ZBBX: variants seen among roughly 807,000 people sequenced by gnomAD.
The protein encoded by ZBBX is zinc finger B-box domain-containing protein 1.
Under a neutral mutation model 108.5 loss-of-function variants are expected in ZBBX, and 101 were observed. The ratio of observed to expected loss-of-function variants is 0.93; its 90% CI spans 0.79 to 1.10. The LOEUF is 1.10. Among genes scored for constraint, ZBBX ranks in the 50% least tolerant of loss-of-function variants. The pLI is 0.00. For synonymous variants in ZBBX, 356 were observed against 323.4 expected (o/e 1.10, Z -1.08); for missense variants, 1,009 against 941.4 (o/e 1.07, Z -0.94).
intron 9 of ZBBX, among the ~76,000 whole-genome samples, chr3:167,338,293 A>G (rs1739922391): frequency 6.6e-6 from 1 of 152,204 alleles, no homozygotes; most frequent in Non-Finnish European, 1.5e-5. Flanking sequence ...CACTCTGACA[A>G]TGTATCATTA....
chr3:167,344,467 A>T (rs1277536159), intron 9 of ZBBX, among the ~76,000 whole-genome samples: 1 of 151,796 alleles, frequency 6.6e-6, no homozygotes, highest in Non-Finnish European at 1.5e-5. Context: ...TCTATGTTTC[A>T]AATTCTGACT....
At chr3:167,402,145 A>G (rs1233837475) in intron 1 of ZBBX, among the ~76,000 whole-genome samples, 1 of 152,184 alleles carries the variant, frequency 6.6e-6, no homozygotes, top group Non-Finnish European at 1.5e-5. Flanking sequence ...TGCTCAACGC[A>G]GTCATTCTCT....
At chr3:167,284,220 A>AT (rs1729326043) in intron 19 of ZBBX, among the ~76,000 whole-genome samples, 3 of 150,506 alleles carry the variant, frequency 2.0e-5, no homozygotes, top group Admixed American at 6.6e-5. Flanking sequence ...ATCCCTGAGA[A>AT]TTATTTTTAT....
downstream of ZBBX, among the ~76,000 whole-genome samples, chr3:167,239,016 C>T (rs1382357370): frequency 1.3e-5 from 2 of 152,124 alleles, no homozygotes; most frequent in Non-Finnish European, 2.9e-5. Context: ...ACCTATCTAT[C>T]AGTTGATCTA....
chr3:167,243,411 T>C (rs1219814873), intron 20 of ZBBX, among the ~76,000 whole-genome samples: 8 of 152,164 alleles, frequency 5.3e-5, no homozygotes, highest in Non-Finnish European at 1.0e-4. Context: ...TCCCTTTTTT[T>C]TTTTTAGACA....
Position 167,342,274 on chromosome 3 carries a change from A to C in ZBBX, c.528+8146T>G, listed in dbSNP as rs901885183. 1.2e-4 allele frequency among the ~76,000 whole-genome samples: 18 copies of C among 151,832 alleles called. No homozygotes were observed. The Admixed American group carries it at 1.2e-3, about 10-fold the overall frequency. ...ATGAGATAACATAGGTAGCACCTGC[A>C]AATTACAAAAGTCCCTCAAATATTC... On this transcript the variant is annotated intron_variant, in intron 9 of 21. Coordinates refer to ENST00000675490, the MANE Select transcript of ZBBX (RefSeq NM_001199201.2).
intron 9 of ZBBX, among the ~76,000 whole-genome samples, chr3:167,345,341 C>T (rs1197617960): frequency 2.6e-5 from 4 of 151,808 alleles, no homozygotes; most frequent in South Asian, 2.1e-4. Context: ...CAGGTGATAA[C>T]AATCATTGAA....
chr3:167,333,863 T>C lies in ZBBX; in HGVS notation c.651A>G (p.Lys217=), dbSNP rs1221975581. ...TCCTCTGGAGAAGTACAGATTTGGG[T>C]TTATGTTGAATTTTACTGGTTTCCT... The part of the protein sequence containing the change: ...STKETSKIQH[K]PKSVLLQRSS... Residue 217 remains lysine (K), a synonymous_variant, in exon 10 of 22, where the codon AAA becomes AAG. Transcript: ENST00000675490. 1.5e-5 allele frequency: 24 copies of C among 1,611,602 alleles called. No individual in the cohort carries two copies. The highest frequency in any genetic ancestry group is 4.5e-5 in the East Asian group (2 of 44,746).
At chr3:167,367,971 T>C (rs1745577430) in intron 5 of ZBBX, among the ~76,000 whole-genome samples, 1 of 17,280 alleles carries the variant, frequency 5.8e-5, no homozygotes, top group South Asian at 3.2e-3. Flanking sequence ...TATATATGTA[T>C]ATATATATAT....
chr3:167,237,944 T>C (rs1214489105), downstream of ZBBX, among the ~76,000 whole-genome samples: 3 of 152,014 alleles, frequency 2.0e-5, no homozygotes, highest in Admixed American at 2.0e-4. Flanking sequence ...ACAGTAGTGG[T>C]CCAATCCTTC....
rs184567874 is a variant in ZBBX at position 167,243,492 on chromosome 3, G to C, written c.2255-849C>G. Among the ~76,000 whole-genome samples the C allele has an allele frequency of 1.9e-3, 286 of 151,940 alleles. 1 individual carries two copies. Among genetic ancestry groups the C allele is most frequent in the Non-Finnish European group, 3.5e-3 (235 of 67,966 alleles). On this transcript the variant is annotated intron_variant, in intron 20 of 21. Coordinates refer to ENST00000675490, the MANE Select transcript of ZBBX (RefSeq NM_001199201.2). ...TGGCTCACCGCAACCTCCGCCTCCT[G>C]GGTTCAAATGATTCTCTTGCCTCAG...
At chr3:167,314,559 C>A (rs1735120142) in intron 15 of ZBBX, among the ~76,000 whole-genome samples, 1 of 152,096 alleles carries the variant, frequency 6.6e-6, no homozygotes, top group African/African-American at 2.4e-5. Context: ...ATAATGATTA[C>A]TATCTATATG....
chr3:167,244,431 C>T (rs1307202781), intron 20 of ZBBX, among the ~76,000 whole-genome samples: 1 of 152,116 alleles, frequency 6.6e-6, no homozygotes, highest in Non-Finnish European at 1.5e-5. Flanking sequence ...GGTGAGATAT[C>T]CAAACTCTAT....
At chr3:167,267,618 A>G (rs182754856) in intron 20 of ZBBX, among the ~76,000 whole-genome samples, 7 of 152,168 alleles carry the variant, frequency 4.6e-5, no homozygotes, top group African/African-American at 1.7e-4. Flanking sequence ...CAAGCCCTCA[A>G]TCTTCTGGCC....
the ZBBX span, among the ~76,000 whole-genome samples, chr3:167,187,862 C>T: frequency 6.6e-6 from 1 of 152,246 alleles, no homozygotes; most frequent in African/African-American, 2.4e-5. Flanking sequence ...TTACGATGTT[C>T]ATTTCCTGAA....
At chr3:167,195,571 C>G in the ZBBX span, among the ~76,000 whole-genome samples, 1 of 152,096 alleles carries the variant, frequency 6.6e-6, no homozygotes, top group Non-Finnish European at 1.5e-5. Context: ...TTAAACGAAA[C>G]CATTTTTCTT....
At chr3:167,238,344 T>C (rs188596954), downstream of ZBBX, among the ~76,000 whole-genome samples, 1 of 152,166 alleles carries the variant, frequency 6.6e-6, no homozygotes, top group East Asian at 1.9e-4. Flanking sequence ...GTCATACTCT[T>C]TTAAAAATTA....
chr3:167,344,449 C>T (rs1348680719), intron 9 of ZBBX, among the ~76,000 whole-genome samples: 1 of 151,712 alleles, frequency 6.6e-6, no homozygotes, highest in Non-Finnish European at 1.5e-5. Context: ...TTTTGGCTAT[C>T]CCAACATTCT....
intron 6 of ZBBX, among the ~76,000 whole-genome samples, chr3:167,362,076 T>C (rs1220736554): frequency 6.6e-6 from 1 of 152,102 alleles, no homozygotes. Context: ...TTTTTATCTG[T>C]TAGGGAAAGG....
Sources: allele counts gnomAD v4.1 joint callset (sites outside exome capture counted in the v4.1 genomes callset), GRCh38; gene constraint gnomAD v4.1.1; transcripts MANE v1.5; gene names NCBI Gene and HGNC (gene_info 2026-07-23, HGNC 2026-07-21).